Variants in XKR4 observed in about 807,000 individuals in gnomAD.
XKR4 encodes XK-related protein 4.
In XKR4, 12 loss-of-function variants were observed where a neutral mutation model predicts 53.9. The observed-to-expected ratio is 0.22, with a 90% CI of 0.14 to 0.36. The LOEUF is 0.36. Among genes scored for constraint, XKR4 ranks in the 10% least tolerant of loss-of-function variants. The probability of loss-of-function intolerance (pLI) is 1.00; values close to 1 mark genes in which losing one functional copy is unlikely to be tolerated. For missense variants in XKR4, 799 were observed against 859.5 expected, an observed-to-expected ratio of 0.93 and a Z score of 0.88; for synonymous variants, 354 against 362.4, an observed-to-expected ratio of 0.98 and a Z score of 0.26.
At chr8:55,204,733 A>G (rs1817621476) in intron 1 of XKR4, among the ~76,000 whole-genome samples, 1 of 152,230 alleles carries the variant, frequency 6.6e-6, no homozygotes, top group Non-Finnish European at 1.5e-5. Flanking sequence ...TTTGAGCTGG[A>G]ATTTCAAACA....
chr8:55,116,368 G>GTTC (rs1816308867), intron 1 of XKR4, among the ~76,000 whole-genome samples: 3 of 152,246 alleles, frequency 2.0e-5, no homozygotes, highest in African/African-American at 4.8e-5. Context: ...TACAGAAAGA[G>GTTC]TTCTGGTGAA....
intron 1 of XKR4, among the ~76,000 whole-genome samples, chr8:55,333,158 T>A (rs908750839): frequency 7.2e-5 from 11 of 152,182 alleles, no homozygotes; most frequent in African/African-American, 2.7e-4. Context: ...CCATGTTCTC[T>A]TTTAGCTCTT....
chr8:55,226,017 G>A (rs897928924), intron 1 of XKR4, among the ~76,000 whole-genome samples: 1 of 152,118 alleles, frequency 6.6e-6, no homozygotes, highest in African/African-American at 2.4e-5. Context: ...CCCTGACCAG[G>A]GTGCCCACTT....
chr8:55,154,780 T>A (rs1816883365), intron 1 of XKR4, among the ~76,000 whole-genome samples: 1 of 152,218 alleles, frequency 6.6e-6, no homozygotes, highest in Non-Finnish European at 1.5e-5. Flanking sequence ...CTAAATTCAC[T>A]TAAAAAGTGT....
chr8:55,110,705 T>C, intron 1 of XKR4, among the ~76,000 whole-genome samples: 1 of 152,198 alleles, frequency 6.6e-6, no homozygotes, highest in East Asian at 1.9e-4. Flanking sequence ...GATAGAATAG[T>C]CAGGGTGGAG....
At chr8:55,110,016 T>C (rs1306615423) in intron 1 of XKR4, among the ~76,000 whole-genome samples, 1 of 152,220 alleles carries the variant, frequency 6.6e-6, no homozygotes, top group Non-Finnish European at 1.5e-5. Flanking sequence ...CTGGCTAATC[T>C]GATTAGTACA....
chr8:55,415,797 G>A (rs1261613535), intron 2 of XKR4, among the ~76,000 whole-genome samples: 3 of 152,174 alleles, frequency 2.0e-5, no homozygotes, highest in Admixed American at 2.0e-4. Context: ...GTTAAAAACT[G>A]TAGACTTGGG....
intron 1 of XKR4, among the ~76,000 whole-genome samples, chr8:55,219,264 C>T (rs551014651): frequency 6.9e-6 from 1 of 145,872 alleles, no homozygotes; most frequent in Non-Finnish European, 1.5e-5. Context: ...CATGGACCTG[C>T]GATGGATCTT....
chr8:55,266,605 A>T (rs1818605310), intron 1 of XKR4, among the ~76,000 whole-genome samples: 1 of 152,202 alleles, frequency 6.6e-6, no homozygotes, highest in Admixed American at 6.5e-5. Flanking sequence ...CAAGATGTAC[A>T]TGGAGAGGGA....
chr8:55,439,945 C>A (rs553829957), intron 2 of XKR4, among the ~76,000 whole-genome samples: 88 of 152,092 alleles, frequency 5.8e-4, no homozygotes, highest in Admixed American at 2.7e-3. Flanking sequence ...CGCCAAAAAA[C>A]CAAAGATAAA....
chr8:55,502,281 T>C (rs1385188369), intron 2 of XKR4, among the ~76,000 whole-genome samples: 1 of 152,234 alleles, frequency 6.6e-6, no homozygotes, highest in Non-Finnish European at 1.5e-5. Context: ...TTTAATTGCT[T>C]GGAGAACTGA....
At chr8:55,414,996 G>A (rs1391527919) in intron 2 of XKR4, among the ~76,000 whole-genome samples, 2 of 152,176 alleles carry the variant, frequency 1.3e-5, no homozygotes, top group African/African-American at 2.4e-5. Context: ...AGTGCCTCCA[G>A]GACAGAGACC....
intron 1 of XKR4, among the ~76,000 whole-genome samples, chr8:55,265,795 AT>A (rs923735763): frequency 6.6e-5 from 10 of 151,880 alleles, no homozygotes; most frequent in Non-Finnish European, 1.0e-4. Context: ...CCTGGTCAAC[AT>A]GGTGAAACCA....
intron 1 of XKR4, among the ~76,000 whole-genome samples, chr8:55,302,154 T>C (rs1469661603): frequency 4.6e-5 from 7 of 152,178 alleles, no homozygotes; most frequent in African/African-American, 1.7e-4. Context: ...CTTTAATCCA[T>C]CTTGAATTAA....
chr8:55,304,572 G>A (rs1165033765), intron 1 of XKR4, among the ~76,000 whole-genome samples: 2 of 152,154 alleles, frequency 1.3e-5, no homozygotes, highest in Non-Finnish European at 2.9e-5. Flanking sequence ...CTGTTTAGTA[G>A]ATCTGTCTAA....
intron 2 of XKR4, among the ~76,000 whole-genome samples, chr8:55,444,324 C>A (rs1585576052): frequency 1.3e-5 from 2 of 152,144 alleles, no homozygotes; most frequent in East Asian, 3.8e-4. Flanking sequence ...GGATTAATCT[C>A]TCTTAAAATT....
intron 1 of XKR4, among the ~76,000 whole-genome samples, chr8:55,245,956 G>A (rs1235695260): frequency 6.6e-6 from 1 of 152,158 alleles, no homozygotes; most frequent in African/African-American, 2.4e-5. Flanking sequence ...AATAAAATTA[G>A]CTGGGCGTGG....
intron 1 of XKR4, among the ~76,000 whole-genome samples, chr8:55,323,965 A>C (rs1213384979): frequency 6.6e-6 from 1 of 151,674 alleles, no homozygotes; most frequent in East Asian, 1.9e-4. Context: ...CTCTGCTTTC[A>C]TTCCTCTGCT....
chr8:55,253,952 T>TTTAC (rs1197497181), intron 1 of XKR4, among the ~76,000 whole-genome samples: 16 of 151,834 alleles, frequency 1.1e-4, no homozygotes, highest in Non-Finnish European at 2.2e-4. Flanking sequence ...AACTCCTGAG[T>TTTAC]GTAAGCGCTT....
Sources: gnomAD v4.1 joint callset for allele counts (sites outside exome capture counted in the v4.1 genomes callset) on GRCh38, gnomAD v4.1.1 for gene constraint, MANE v1.5 for transcripts, NCBI Gene and HGNC (gene_info 2026-07-23, HGNC 2026-07-21) for gene names.